The following ADAMTS17 variants were observed in gnomAD, a reference collection of about 807,000 sequenced individuals.
ADAMTS17 encodes the protein A disintegrin and metalloproteinase with thrombospondin motifs 17.
In ADAMTS17, 113 loss-of-function variants were observed where a neutral mutation model predicts 141.5. The ratio of observed to expected loss-of-function variants is 0.80; its 90% confidence interval spans 0.69 to 0.93. ADAMTS17 has a LOEUF of 0.93. ADAMTS17 is among the 40% of genes least tolerant of loss of function. ADAMTS17 has a pLI of 0.00. For synonymous variants in ADAMTS17, 768 were observed against 630.6 expected (o/e 1.22, Z -3.27); for missense variants, 1,659 against 1,517.9 (o/e 1.09, Z -1.54).
At chr15:100,275,080 G>A (rs1238462102) in intron 4 of ADAMTS17, among the ~76,000 whole-genome samples, 2 of 152,166 alleles carry the variant, frequency 1.3e-5, no homozygotes, top group East Asian at 3.9e-4. Flanking sequence ...AAAACAGGGT[G>A]GGCCTCATCA....
chr15:100,220,959 T>C (rs1020607222), intron 7 of ADAMTS17, among the ~76,000 whole-genome samples: 8 of 152,230 alleles, frequency 5.3e-5, no homozygotes, highest in Middle Eastern at 3.2e-3. Flanking sequence ...TGACGGATAA[T>C]GCGACTGTGA....
chr15:100,073,099 A>G (rs997687326), intron 15 of ADAMTS17, among the ~76,000 whole-genome samples: 84 of 152,352 alleles, frequency 5.5e-4, no homozygotes, highest in Admixed American at 1.2e-3. Context: ...AAAAGTGGGC[A>G]AAGGATATGA....
intron 18 of ADAMTS17, among the ~76,000 whole-genome samples, chr15:100,010,798 A>G (rs1177719218): frequency 2.0e-5 from 3 of 152,200 alleles, no homozygotes; most frequent in Non-Finnish European, 2.9e-5. Context: ...CTGGGCTGCA[A>G]TGTTCTCCCA....
chr15:100,228,371 T>C (rs1202332910), intron 7 of ADAMTS17, among the ~76,000 whole-genome samples: 1 of 152,210 alleles, frequency 6.6e-6, no homozygotes, highest in East Asian at 1.9e-4. Flanking sequence ...AGACTGTAAG[T>C]GTTCTGAAGG....
intron 8 of ADAMTS17, among the ~76,000 whole-genome samples, chr15:100,181,986 C>G (rs377650398): frequency 6.6e-6 from 1 of 152,252 alleles, no homozygotes; most frequent in Admixed American, 6.5e-5. Flanking sequence ...TGCCAAAACT[C>G]AAGTTCCAAC....
At chr15:100,204,148 A>G (rs908208213) in intron 7 of ADAMTS17, among the ~76,000 whole-genome samples, 1 of 152,100 alleles carries the variant, frequency 6.6e-6, no homozygotes, top group Non-Finnish European at 1.5e-5. Flanking sequence ...GAAGCTCATA[A>G]CTCTTTATCT....
Position 99,974,544 on chromosome 15 carries a change from C to G in ADAMTS17, c.3146G>C (p.Cys1049Ser). ...SPRLAALTYK[C>S]TRDQWTVYCR... is the part of the protein sequence containing the mutation. ...ATATACCGTCCACTGGTCTCGTGTG[C>G]ATTTGTAGGTCAGAGCAGCTAAGGG... Residue 1049 changes from cysteine (C) to serine (S), a missense_variant, in exon 22 of 22, where the codon TGC (cysteine) becomes TCC (serine). Transcript: ENST00000268070. 6.2e-7 allele frequency: 1 copy of G among 1,614,234 alleles called. No homozygotes were observed. Among genetic ancestry groups the G allele is most frequent in the Middle Eastern group, 1.6e-4 (1 of 6,062 alleles).
chr15:100,239,021 T>C (rs566106402), intron 7 of ADAMTS17, among the ~76,000 whole-genome samples: 1 of 152,234 alleles, frequency 6.6e-6, no homozygotes, highest in East Asian at 1.9e-4. Flanking sequence ...AACCAGGAGA[T>C]GGAGCTTGCA....
intron 18 of ADAMTS17, among the ~76,000 whole-genome samples, chr15:100,029,903 T>C (rs2141480973): frequency 6.6e-6 from 1 of 152,334 alleles, no homozygotes; most frequent in East Asian, 1.9e-4. Flanking sequence ...GAAATGTAAG[T>C]TTCCAGGTCT....
At chr15:99,995,395 C>G (rs180821217) in intron 19 of ADAMTS17, among the ~76,000 whole-genome samples, 12 of 152,232 alleles carry the variant, frequency 7.9e-5, no homozygotes. Context: ...TAACCAAACT[C>G]TGACCAGCAA....
At chr15:100,262,503 G>T in intron 4 of ADAMTS17, 68 bp from the exon 5 acceptor site, 1 of 1,193,404 alleles carries the variant, frequency 8.4e-7, no homozygotes, top group Non-Finnish European at 1.2e-6. Context: ...TAGTATCCTA[G>T]ATGGGAACTT....
intron 18 of ADAMTS17, among the ~76,000 whole-genome samples, chr15:100,022,396 A>G (rs2141451288): frequency 6.6e-6 from 1 of 152,294 alleles, no homozygotes; most frequent in South Asian, 2.1e-4. Flanking sequence ...AGTTCGTATT[A>G]ATGTTGCTGG....
chr15:100,052,576 A>G (rs2032231170), intron 16 of ADAMTS17, among the ~76,000 whole-genome samples: 1 of 152,190 alleles, frequency 6.6e-6, no homozygotes, highest in African/African-American at 2.4e-5. Flanking sequence ...ATACATTCAC[A>G]TTGGTGTTTG....
At chr15:100,190,103 A>T (rs1004552294) in intron 8 of ADAMTS17, among the ~76,000 whole-genome samples, 1 of 152,234 alleles carries the variant, frequency 6.6e-6, no homozygotes, top group Non-Finnish European at 1.5e-5. Context: ...TCTGCTTAAC[A>T]AGAGGATGCC....
chr15:100,088,129 A>G (rs2140978763), intron 15 of ADAMTS17, among the ~76,000 whole-genome samples: 1 of 152,360 alleles, frequency 6.6e-6, no homozygotes, highest in South Asian at 2.1e-4. Context: ...CTGATAGGCA[A>G]CTTCCGCAAA....
chr15:100,217,619 A>G (rs1261547353), intron 7 of ADAMTS17, among the ~76,000 whole-genome samples: 1 of 152,222 alleles, frequency 6.6e-6, no homozygotes, highest in Non-Finnish European at 1.5e-5. Context: ...AAAACAAAAA[A>G]GTAAATATTT....
intron 18 of ADAMTS17, among the ~76,000 whole-genome samples, chr15:100,018,575 G>A (rs1396119983): frequency 1.3e-5 from 2 of 152,294 alleles, no homozygotes; most frequent in African/African-American, 2.4e-5. Context: ...CAGGTAGGAA[G>A]TGCCTACTTC....
intron 8 of ADAMTS17, among the ~76,000 whole-genome samples, chr15:100,162,827 T>TGCACATATACAC (rs2039777917): frequency 6.9e-6 from 1 of 145,676 alleles, no homozygotes; most frequent in African/African-American, 2.5e-5. Context: ...ACATTATATA[T>TGCACATATACAC]ATGTGTATAA....
chr15:100,195,347 G>A (rs1287468028), intron 8 of ADAMTS17, among the ~76,000 whole-genome samples: 3 of 152,156 alleles, frequency 2.0e-5, no homozygotes, highest in Non-Finnish European at 4.4e-5. Context: ...GCTGTTAATC[G>A]AATGAATCCA....
Sources: gnomAD v4.1 joint callset for allele counts (sites outside exome capture counted in the v4.1 genomes callset) on GRCh38, gnomAD v4.1.1 for gene constraint, MANE v1.5 for transcripts, NCBI Gene and HGNC (gene_info 2026-07-23, HGNC 2026-07-21) for gene names.